Variants in MAGI1 observed in about 807,000 individuals in gnomAD.
MAGI1 encodes the protein membrane-associated guanylate kinase, WW and PDZ domain-containing protein 1.
A neutral mutation model predicts 139.9 loss-of-function variants in MAGI1; 58 were observed. The ratio of observed to expected loss-of-function variants is 0.41; its 90% CI spans 0.34 to 0.52. The LOEUF (loss-of-function observed/expected upper bound fraction) is 0.52. MAGI1 is among the 20% of genes least tolerant of loss of function. The pLI, the probability that MAGI1 is intolerant of heterozygous loss-of-function variation, is 0.12. For synonymous variants in MAGI1, 812 were observed against 737.9 expected (o/e 1.10, Z -1.63); for missense variants, 1,874 against 1,901.6 (o/e 0.99, Z 0.27).
chr3:66,013,525 G>A (rs1305654461), intron 1 of MAGI1, among the ~76,000 whole-genome samples: 1 of 151,896 alleles, frequency 6.6e-6, no homozygotes, highest in Non-Finnish European at 1.5e-5. Context: ...ACTTTGGGAG[G>A]CCAAGGTGGG....
chr3:65,741,243 C>T (rs1217632289), intron 1 of MAGI1, among the ~76,000 whole-genome samples: 2 of 151,710 alleles, frequency 1.3e-5, no homozygotes, highest in African/African-American at 2.4e-5. Flanking sequence ...GGCGCGATCT[C>T]GGCTCACTGC....
intron 1 of MAGI1, among the ~76,000 whole-genome samples, chr3:65,947,273 T>C (rs1032311744): frequency 6.6e-6 from 1 of 152,158 alleles, no homozygotes; most frequent in Non-Finnish European, 1.5e-5. Context: ...GCCCCTATCA[T>C]TTTATATTTA....
chr3:65,512,076 A>C (rs1485102495), intron 2 of MAGI1, among the ~76,000 whole-genome samples: 2 of 49,292 alleles, frequency 4.1e-5, no homozygotes, highest in Admixed American at 2.6e-4. Flanking sequence ...AACGAAATGA[A>C]GGCAGAAATA....
At chr3:65,389,888 G>A (rs1453135063) in intron 14 of MAGI1, among the ~76,000 whole-genome samples, 2 of 152,200 alleles carry the variant, frequency 1.3e-5, no homozygotes, top group African/African-American at 4.8e-5. Context: ...GGAAAAGGAT[G>A]AAGCCCTGAG....
At chr3:65,664,843 G>T (rs1266934965) in intron 1 of MAGI1, among the ~76,000 whole-genome samples, 1 of 152,012 alleles carries the variant, frequency 6.6e-6, no homozygotes, top group Non-Finnish European at 1.5e-5. Context: ...TCACATTTTT[G>T]TGCTTTTTGA....
chr3:65,521,558 G>A (rs2078161158), intron 2 of MAGI1, among the ~76,000 whole-genome samples: 1 of 152,062 alleles, frequency 6.6e-6, no homozygotes, highest in African/African-American at 2.4e-5. Flanking sequence ...TACTTACTGA[G>A]TATTAATATA....
At chr3:65,992,934 C>A (rs554208098) in intron 1 of MAGI1, among the ~76,000 whole-genome samples, 1 of 152,270 alleles carries the variant, frequency 6.6e-6, no homozygotes, top group South Asian at 2.1e-4. Flanking sequence ...AAAAGATCCT[C>A]CCGCCTCAGC....
chr3:65,786,549 C>A (rs1170806106), intron 1 of MAGI1, among the ~76,000 whole-genome samples: 2 of 151,810 alleles, frequency 1.3e-5, no homozygotes, highest in Non-Finnish European at 2.9e-5. Context: ...GCAATCCTAC[C>A]ACCTCAGCCT....
At chr3:65,499,595 C>G (rs959881804) in intron 2 of MAGI1, among the ~76,000 whole-genome samples, 3 of 152,036 alleles carry the variant, frequency 2.0e-5, no homozygotes, top group Non-Finnish European at 4.4e-5. Context: ...TGCACTCCAG[C>G]CTGGGCGACA....
chr3:65,433,579 G>A (rs1424554840), intron 10 of MAGI1, among the ~76,000 whole-genome samples: 3 of 152,144 alleles, frequency 2.0e-5, no homozygotes, highest in Non-Finnish European at 4.4e-5. Context: ...CAGCCCTGTG[G>A]TACATGTAAT....
intron 1 of MAGI1, among the ~76,000 whole-genome samples, chr3:65,921,918 C>CCA (rs1560016092): frequency 9.2e-6 from 1 of 108,950 alleles, no homozygotes; most frequent in East Asian, 3.7e-4. Flanking sequence ...ACCACACACA[C>CCA]GACACACACA....
chr3:65,577,564 A>G (rs1393717380), intron 2 of MAGI1, among the ~76,000 whole-genome samples: 2 of 152,152 alleles, frequency 1.3e-5, no homozygotes, highest in African/African-American at 4.8e-5. Context: ...CTGGCCCTGC[A>G]CAGCTGTCAA....
intron 13 of MAGI1, among the ~76,000 whole-genome samples, chr3:65,401,115 T>C (rs947738059): frequency 1.7e-4 from 26 of 152,198 alleles, no homozygotes; most frequent in African/African-American, 6.0e-4. Context: ...ACAATAGCAT[T>C]TGTATCAAGT....
At chr3:65,844,059 G>A (rs1167580487) in intron 1 of MAGI1, 6 of 443,234 alleles carry the variant, frequency 1.4e-5, no homozygotes, top group Non-Finnish European at 2.6e-5. Context: ...CAGAAGCAAT[G>A]TGTGCCATTC....
chr3:65,496,762 G>T (rs183118285), intron 2 of MAGI1, among the ~76,000 whole-genome samples: 1 of 152,254 alleles, frequency 6.6e-6, no homozygotes, highest in East Asian at 1.9e-4. Flanking sequence ...CATGGCACAT[G>T]TTTACCTATG....
At chr3:65,747,039 G>A (rs1207207406) in intron 1 of MAGI1, among the ~76,000 whole-genome samples, 2 of 152,328 alleles carry the variant, frequency 1.3e-5, no homozygotes, top group East Asian at 1.9e-4. Flanking sequence ...GGTGGCCAAT[G>A]TCTGACATTC....
chr3:65,537,337 C>A (rs1021697887), intron 2 of MAGI1, among the ~76,000 whole-genome samples: 3 of 152,170 alleles, frequency 2.0e-5, no homozygotes, highest in African/African-American at 7.2e-5. Context: ...CATTCATAAG[C>A]AGGAGCAGGC....
chr3:65,969,396 T>A (rs1334020108), intron 1 of MAGI1, among the ~76,000 whole-genome samples: 1 of 152,166 alleles, frequency 6.6e-6, no homozygotes, highest in East Asian at 1.9e-4. Context: ...TTTATCAGCA[T>A]CCCTGGCCTC....
rs140152784 is a variant in MAGI1, at chr3:65,583,149, C to T, written c.430+38823G>A. Among the ~76,000 whole-genome samples, 265 of 152,226 alleles carry T rather than the reference C, an allele frequency of 1.7e-3. 1 individual carries two copies. Among genetic ancestry groups the T allele is most frequent in the African/African-American group, 5.5e-3 (228 of 41,542 alleles). On this transcript the variant is annotated intron_variant, in intron 2 of 22. Transcript: ENST00000402939. ...ATTGGGGTCCACTTTACACTGACCA[C>T]GTATCTCAATGGCCCCAACAGTCAC... is the stretch of plus-strand genomic sequence containing the variant.
Sources: allele counts gnomAD v4.1 joint callset (sites outside exome capture counted in the v4.1 genomes callset), GRCh38; gene constraint gnomAD v4.1.1; transcripts MANE v1.5; gene names NCBI Gene and HGNC (gene_info 2026-07-23, HGNC 2026-07-21).